ELL: variants seen among roughly 807,000 people sequenced by gnomAD.
ELL encodes the protein RNA polymerase II elongation factor ELL.
A neutral mutation model predicts 64.0 loss-of-function variants in ELL; 18 were observed. The observed-to-expected ratio is 0.28, with a 90% confidence interval of 0.19 to 0.42. The LOEUF (loss-of-function observed/expected upper bound fraction) is 0.42, where lower values mean the gene tolerates loss of function less well. Ranked by LOEUF, ELL falls within the 10% of genes least tolerant of loss-of-function variation. The pLI is 1.00. For synonymous variants in ELL, 399 were observed against 376.2 expected (o/e 1.06, Z -0.70); for missense variants, 797 against 870.4 (o/e 0.92, Z 1.06).
intron 1 of ELL, among the ~76,000 whole-genome samples, chr19:18,500,089 C>T (rs927254251): frequency 2.6e-5 from 4 of 152,094 alleles, no homozygotes; most frequent in Admixed American, 6.6e-5. Flanking sequence ...TGGCAAAATG[C>T]CATCTCTACT....
intron 1 of ELL, among the ~76,000 whole-genome samples, chr19:18,520,664 A>C (rs2144987191): frequency 6.6e-6 from 1 of 152,018 alleles, no homozygotes; most frequent in East Asian, 1.9e-4. Flanking sequence ...GGGCAGGAAG[A>C]AAGCCACATT....
rs58521941 is a variant in ELL, at chr19:18,497,815, CAAAAAAAAAA to C, written c.135+24096_135+24105del. On this transcript the variant is annotated intron_variant, in intron 1 of 11. Transcript: ENST00000262809. Reference sequence around the variant, plus strand: ...TAGGCAAAAGAGTGAGATCTCATCTCAAAAAAAAAAAAAAAAAAAAAAAAAGATGTCAGCC... The same window carrying C: ...TAGGCAAAAGAGTGAGATCTCATCTCAAAAAAAAAAAAAAAGATGTCAGCC... Among the ~76,000 whole-genome samples, 4 of 54,224 alleles carry C rather than the reference CAAAAAAAAAA, an allele frequency of 7.4e-5. No individual in the cohort carries two copies. The East Asian group carries it at 2.4e-3, about 32-fold the overall frequency. 35.6% of individuals were successfully genotyped at this position (54,224 alleles called of 152,430 possible). A position where few individuals can be genotyped will look rare whatever the true frequency, so the allele number is the denominator to read the frequency against.
At chr19:18,509,013 G>A (rs1156644555) in intron 1 of ELL, among the ~76,000 whole-genome samples, 17 of 152,190 alleles carry the variant, frequency 1.1e-4, no homozygotes, top group Admixed American at 1.0e-3. Context: ...CAGTTTCCTT[G>A]AGGACACAAA....
At position 18,445,081 on chromosome 19, in the gene ELL, G is replaced by C. The variant is rs1019936160; in HGVS notation, c.1749+143C>G. 42 of 1,239,720 alleles carry C rather than the reference G, an allele frequency of 3.4e-5. No individual in the cohort carries two copies. The African/African-American group carries it at 4.9e-4, about 14-fold the overall frequency. 76.8% of individuals were successfully genotyped at this position (1,239,720 alleles called of 1,614,324 possible). A position where few individuals can be genotyped will look rare whatever the true frequency, so the allele number is the denominator to read the frequency against. ...CACAGCTGAAGACTTAGCTGGGGGT[G>C]GTGGGGCAACTTTGGCCTCAGACTC... On this transcript the variant is annotated intron_variant, in intron 11 of 11. Coordinates refer to ENST00000262809, the MANE Select transcript of ELL (RefSeq NM_006532.4).
chr19:18,467,757 C>G (rs1974974754), intron 2 of ELL, among the ~76,000 whole-genome samples: 1 of 135,548 alleles, frequency 7.4e-6, no homozygotes, highest in Non-Finnish European at 1.6e-5. Flanking sequence ...CACAACCCCT[C>G]CACACACAAT....
At chr19:18,460,334 C>G (rs1045472006) in intron 5 of ELL, among the ~76,000 whole-genome samples, 1 of 152,180 alleles carries the variant, frequency 6.6e-6, no homozygotes, top group Non-Finnish European at 1.5e-5. Flanking sequence ...AAGAAGCAGA[C>G]GAGCTGTCCA....
chr19:18,521,464 G>A (rs1300728263), intron 1 of ELL, among the ~76,000 whole-genome samples: 1 of 151,880 alleles, frequency 6.6e-6, no homozygotes, highest in African/African-American at 2.4e-5. Flanking sequence ...CTTCCCAGGA[G>A]GACAGACACA....
intron 1 of ELL, among the ~76,000 whole-genome samples, chr19:18,521,018 C>T (rs1363606259): frequency 1.3e-5 from 2 of 151,846 alleles, no homozygotes; most frequent in South Asian, 2.1e-4. Flanking sequence ...ACATACACAG[C>T]AGCCTCCCCT....
In ELL at chr19:18,501,783, C is replaced by T. The variant is rs1435486269; in HGVS notation, c.135+20138G>A. ...AATTCGGACTCTCCCACAAATGGTC[C>T]ATCCTTGGGGAGCATCTCCCCCACA... On this transcript the variant is annotated intron_variant, in intron 1 of 11. Coordinates refer to ENST00000262809, the MANE Select transcript of ELL (RefSeq NM_006532.4). This position sits in a 1 kb window ranked among gnomAD's most constrained non-coding sequence, Gnocchi z 4.5. Among the ~76,000 whole-genome samples, 3 of 152,162 alleles carry T rather than the reference C, an allele frequency of 2.0e-5. No individual in the cohort carries two copies. The highest frequency in any genetic ancestry group is 2.9e-5 in the Non-Finnish European group (2 of 68,032).
At chr19:18,479,239 A>G (rs1975241568) in intron 1 of ELL, among the ~76,000 whole-genome samples, 1 of 152,224 alleles carries the variant, frequency 6.6e-6, no homozygotes, top group Non-Finnish European at 1.5e-5. Flanking sequence ...CACTGCAGGC[A>G]ACACAGAACC....
intron 1 of ELL, among the ~76,000 whole-genome samples, chr19:18,500,335 T>C (rs1034964490): frequency 2.6e-5 from 4 of 151,548 alleles, no homozygotes; most frequent in Non-Finnish European, 5.9e-5. Context: ...GAGACAGGTG[T>C]GACCATGAGG....
chr19:18,507,307 T>C (rs948707225), intron 1 of ELL, among the ~76,000 whole-genome samples: 4 of 152,164 alleles, frequency 2.6e-5, no homozygotes, highest in African/African-American at 9.7e-5. Context: ...AGAGATAACA[T>C]CCCCAGATAA....
intron 8 of ELL, among the ~76,000 whole-genome samples, chr19:18,450,017 AG>A (rs1207833281): frequency 1.3e-5 from 2 of 152,124 alleles, no homozygotes; most frequent in Non-Finnish European, 2.9e-5. Flanking sequence ...CTCTCCCACC[AG>A]GATCTGCCCA....
intron 10 of ELL, chr19:18,446,026 A>T: frequency 2.3e-6 from 1 of 436,892 alleles, no homozygotes. Flanking sequence ...ACATGTGGGG[A>T]TCCATGTACC....
rs558374333 is a variant in ELL, at chr19:18,463,863, G to A, written c.469+1549C>T. Among the ~76,000 whole-genome samples the A allele has an allele frequency of 4.6e-5, 7 of 152,128 alleles. No homozygotes were observed. In the East Asian group the frequency reaches 1.4e-3, roughly 29 times the overall value. On this transcript the variant is annotated intron_variant, in intron 4 of 11. Coordinates refer to ENST00000262809, the MANE Select transcript of ELL (RefSeq NM_006532.4). Reference sequence around the variant, plus strand: ...TAGCCGGGCGTGGTGGCAGGCACCTGTAGTCCCAGCTACTCGGGAGGCTGA... The same window carrying A: ...TAGCCGGGCGTGGTGGCAGGCACCTATAGTCCCAGCTACTCGGGAGGCTGA...
At chr19:18,489,042 CAGCCGGAGGGAGCTGG>C (rs1975475639) in intron 1 of ELL, among the ~76,000 whole-genome samples, 2 of 152,214 alleles carry the variant, frequency 1.3e-5, no homozygotes, top group African/African-American at 4.8e-5. Context: ...CCTTGCCTGA[CAGCCGGAGGGAGCTGG>C]AGTCTGAAAT....
In ELL at chr19:18,442,874, A is replaced by C. The variant is rs910057903; in HGVS notation, c.*1878T>G. On this transcript the variant is annotated 3_prime_UTR_variant, in exon 12 of 12. Transcript: ENST00000262809. ...TTTTTCTCCACAGTACAACATTAAAAGAAAAAAAAATAGTATCAATAAGTT... is the reference window on the plus strand; with the variant it reads ...TTTTTCTCCACAGTACAACATTAAACGAAAAAAAAATAGTATCAATAAGTT... 3.7e-5 allele frequency: 7 copies of C among 186,882 alleles called. No homozygotes were observed. Among genetic ancestry groups the C allele is most frequent in the Admixed American group, 6.7e-5 (1 of 14,970 alleles). The allele number at this position is 186,882 out of a possible 1,614,324, so 11.6% of individuals were successfully genotyped here.
chr19:18,489,526 C>A (rs1042586725), intron 1 of ELL, among the ~76,000 whole-genome samples: 2 of 152,170 alleles, frequency 1.3e-5, no homozygotes, highest in Non-Finnish European at 2.9e-5. Context: ...CCAGCTCTGG[C>A]ACCTTCTCTA....
intron 1 of ELL, among the ~76,000 whole-genome samples, chr19:18,496,712 G>C (rs1035274944): frequency 2.0e-5 from 3 of 152,206 alleles, no homozygotes; most frequent in Admixed American, 6.5e-5. Flanking sequence ...GTGCGGACTG[G>C]GGGAGGTCCT....
Sources: gnomAD v4.1 joint callset for allele counts (sites outside exome capture counted in the v4.1 genomes callset) on GRCh38, gnomAD v4.1.1 for gene constraint, Gnocchi (gnomAD v3.1) non-coding constraint, MANE v1.5 for transcripts, NCBI Gene and HGNC (gene_info 2026-07-23, HGNC 2026-07-21) for gene names.